Variants in RBFOX1 observed in about 807,000 individuals in gnomAD.
The protein encoded by RBFOX1 is RNA binding fox-1 homolog 1, also known as RNA binding protein fox-1 homolog 1.
Under a neutral mutation model 57.7 loss-of-function variants are expected in RBFOX1, and 8 were observed. That is an observed-to-expected ratio of 0.14 (90% CI 0.08 to 0.25). The LOEUF is 0.25. Ranked by LOEUF, RBFOX1 falls within the 10% of genes least tolerant of loss-of-function variation. The probability of loss-of-function intolerance (pLI) is 1.00; values close to 1 mark genes in which losing one functional copy is unlikely to be tolerated. For missense variants in RBFOX1, 611 were observed against 548.5 expected (o/e 1.11, Z -1.14); for synonymous variants, 326 against 222.4 (o/e 1.47, Z -4.15).
intron 4 of RBFOX1, among the ~76,000 whole-genome samples, chr16:7,352,610 G>C (rs563992693): frequency 3.3e-5 from 5 of 152,104 alleles, no homozygotes; most frequent in African/African-American, 1.2e-4. Flanking sequence ...AAACAAGCTC[G>C]CTATATTTCC....
At chr16:5,658,515 C>G (rs886710951) in intron 3 of RBFOX1, among the ~76,000 whole-genome samples, 2 of 152,072 alleles carry the variant, frequency 1.3e-5, no homozygotes, top group South Asian at 4.2e-4. Flanking sequence ...ATTTAACTCA[C>G]TCTGTATGGG....
intron 2 of RBFOX1, among the ~76,000 whole-genome samples, chr16:6,631,864 A>T (rs12325249): frequency 0.027 from 4,040 of 152,134 alleles, 191 homozygotes; most frequent in African/African-American, 0.093. Flanking sequence ...AACTTAATGC[A>T]TTTGAGAAGC....
intron 2 of RBFOX1, among the ~76,000 whole-genome samples, chr16:6,493,562 T>C (rs2095685315): frequency 6.6e-6 from 1 of 152,226 alleles, no homozygotes; most frequent in East Asian, 1.9e-4. Flanking sequence ...GTATGAAAAT[T>C]GTATTTTGTG....
At chr16:6,699,001 C>T (rs1370868229) in intron 3 of RBFOX1, among the ~76,000 whole-genome samples, 2 of 152,138 alleles carry the variant, frequency 1.3e-5, no homozygotes, top group South Asian at 2.1e-4. Flanking sequence ...GAGAATGTGG[C>T]GTTGTTCTTG....
chr16:7,386,301 C>G (rs992365670), intron 4 of RBFOX1, among the ~76,000 whole-genome samples: 1 of 152,176 alleles, frequency 6.6e-6, no homozygotes, highest in East Asian at 1.9e-4. Context: ...TGTTACATAG[C>G]TATACATGTG....
At chr16:6,415,556 C>G (rs964961414) in intron 2 of RBFOX1, among the ~76,000 whole-genome samples, 2 of 152,122 alleles carry the variant, frequency 1.3e-5, no homozygotes. Context: ...CAAAAATTAG[C>G]TGGGCGTGGT....
chr16:6,767,938 TAATAATAATAAGAAGAAGAAGAAG>T (rs1228000927), intron 3 of RBFOX1, among the ~76,000 whole-genome samples: 22 of 84,810 alleles, frequency 2.6e-4, no homozygotes, highest in African/African-American at 1.3e-3. Flanking sequence ...ATAATAATAA[TAATAATAATAAGAAGAAGAAGAAG>T]AAGAAGAAGA....
chr16:6,023,103 A>G (rs968805428), intron 1 of RBFOX1, among the ~76,000 whole-genome samples: 4 of 152,104 alleles, frequency 2.6e-5, no homozygotes, highest in African/African-American at 9.7e-5. Context: ...AGTTTCAGTA[A>G]TGTTGTAATA....
At chr16:7,192,751 A>G (rs1567647570) in intron 4 of RBFOX1, among the ~76,000 whole-genome samples, 1 of 152,218 alleles carries the variant, frequency 6.6e-6, no homozygotes, top group Non-Finnish European at 1.5e-5. Context: ...AGTGCTCTAT[A>G]TTATTTTTGC....
chr16:5,914,347 CT>C (rs2058664310), intron 4 of RBFOX1, among the ~76,000 whole-genome samples: 1 of 152,322 alleles, frequency 6.6e-6, no homozygotes, highest in South Asian at 2.1e-4. Context: ...CTGGGTTCCC[CT>C]GGTGCAGGAT....
At chr16:7,421,419 C>T (rs1426088120) in intron 4 of RBFOX1, among the ~76,000 whole-genome samples, 1 of 152,156 alleles carries the variant, frequency 6.6e-6, no homozygotes, top group Non-Finnish European at 1.5e-5. Flanking sequence ...TTCAGGCACC[C>T]ATACGTACAC....
At chr16:7,419,485 C>G (rs909862153) in intron 4 of RBFOX1, among the ~76,000 whole-genome samples, 4 of 152,194 alleles carry the variant, frequency 2.6e-5, no homozygotes, top group African/African-American at 9.6e-5. Flanking sequence ...TGTATTGTGC[C>G]TTGTCAGGCC....
intron 3 of RBFOX1, among the ~76,000 whole-genome samples, chr16:5,804,644 C>T (rs1447807455): frequency 6.6e-6 from 1 of 152,150 alleles, no homozygotes; most frequent in South Asian, 2.1e-4. Flanking sequence ...CTGCATCCTC[C>T]CTTCCCCTCT....
intron 4 of RBFOX1, among the ~76,000 whole-genome samples, chr16:7,352,403 G>C (rs1039256723): frequency 2.0e-5 from 3 of 152,206 alleles, no homozygotes; most frequent in African/African-American, 7.2e-5. Context: ...ATCTTGGACA[G>C]AGTAGTGTGC....
At chr16:7,418,783 T>C (rs12926882) in intron 4 of RBFOX1, among the ~76,000 whole-genome samples, 1 of 112,028 alleles carries the variant, frequency 8.9e-6, no homozygotes, top group Admixed American at 8.7e-5. Context: ...TGTCTCTATC[T>C]CTGTCTTTCT....
rs534418019 is a variant in RBFOX1 at position 5,297,068 on chromosome 16, C to T, written c.219+56963C>T. ...TGCTTTTCATGATGTTCTCCAGGTT[C>T]ATCCATGTTGTTGCAAATGACAGGA... On this transcript the variant is annotated intron_variant, in intron 1 of 2. Coordinates refer to the RBFOX1 transcript ENST00000585867. 2.0e-5 allele frequency among the ~76,000 whole-genome samples: 3 copies of T among 152,290 alleles called. No homozygotes were observed. In the East Asian group the frequency reaches 5.8e-4, roughly 29 times the overall value.
At chr16:7,694,722 G>T (rs950402048) in intron 14 of RBFOX1, among the ~76,000 whole-genome samples, 2 of 152,170 alleles carry the variant, frequency 1.3e-5, no homozygotes, top group Non-Finnish European at 2.9e-5. Flanking sequence ...GAGTGGCAGG[G>T]AATGTTCCTG....
intron 2 of RBFOX1, among the ~76,000 whole-genome samples, chr16:6,478,415 ATATATATATATATATTTTTTTT>A (rs2095312565): frequency 4.5e-5 from 1 of 22,208 alleles, no homozygotes; most frequent in African/African-American, 2.5e-4. Context: ...ATATATATAT[ATATATATATATATATTTTTTTT>A]TTTTTTTTTT....
rs116440342 is a variant in RBFOX1, at chr16:7,525,552, C to T, written c.270+7163C>T. Among the ~76,000 whole-genome samples the T allele has an allele frequency of 4.0e-3, 605 of 152,266 alleles. 3 individuals are homozygous for T. Among genetic ancestry groups the T allele is most frequent in the African/African-American group, 0.014 (578 of 41,544 alleles). On this transcript the variant is annotated intron_variant, in intron 5 of 15. Transcript: ENST00000550418. ...CCCTCATGGACAGAACCTAAGAAGGCCTGACACCCACACCCTTGCCCAACC... is the reference window on the plus strand; with the variant it reads ...CCCTCATGGACAGAACCTAAGAAGGTCTGACACCCACACCCTTGCCCAACC...
Sources: allele counts gnomAD v4.1 joint callset (sites outside exome capture counted in the v4.1 genomes callset), GRCh38; gene constraint gnomAD v4.1.1; transcripts MANE v1.5; gene names NCBI Gene and HGNC (gene_info 2026-07-23, HGNC 2026-07-21).